PCDHGA11: variants seen among roughly 807,000 people sequenced by gnomAD.
The protein encoded by PCDHGA11 is protocadherin gamma-A11.
PCDHGA11 carries 39 observed loss-of-function variants against 60.4 expected under a neutral mutation model. The observed-to-expected ratio is 0.65, with a 90% CI of 0.50 to 0.84. PCDHGA11 has a LOEUF of 0.84. Ranked by LOEUF, PCDHGA11 falls within the 40% of genes least tolerant of loss-of-function variation. PCDHGA11 has a pLI of 0.00. For synonymous variants in PCDHGA11, 533 were observed against 510.3 expected (o/e 1.04, Z -0.60); for missense variants, 1,165 against 1,197.7 (o/e 0.97, Z 0.40).
intron 1 of PCDHGA11, among the ~76,000 whole-genome samples, chr5:141,445,720 G>T (rs2098475440): frequency 6.6e-6 from 1 of 152,158 alleles, no homozygotes; most frequent in Non-Finnish European, 1.5e-5. Flanking sequence ...AGAGGAAATA[G>T]CATGTGTAAA....
Position 141,485,209 on chromosome 5 carries a change from G to T in PCDHGA11, c.2434-9598G>T, listed in dbSNP as rs2099609420. The T allele has an allele frequency of 6.2e-7, 1 of 1,614,032 alleles. No individual in the cohort carries two copies. Among genetic ancestry groups the T allele is most frequent in the African/African-American group, 1.3e-5 (1 of 74,938 alleles). On this transcript the variant is annotated intron_variant, in intron 1 of 3. Transcript: ENST00000398587. This position sits in a 1 kb window ranked among gnomAD's most constrained non-coding sequence, Gnocchi z 5.7. Reference sequence around the variant, plus strand: ...AGGTGAGAAGCTGGACAGAAATCTGGCGGTGGGCTACCCTTTTGTTCCTCT... The same window carrying T: ...AGGTGAGAAGCTGGACAGAAATCTGTCGGTGGGCTACCCTTTTGTTCCTCT...
Position 141,486,515 on chromosome 5 carries a change from G to A in PCDHGA11, c.2434-8292G>A. ...AACTATTTTCCTCAATATTTCAGAT[G>A]TGAATGATAATCCACCCTCTTTCTT... On this transcript the variant is annotated intron_variant, in intron 1 of 3. Transcript: ENST00000398587. This position sits in a 1 kb window ranked among gnomAD's most constrained non-coding sequence, Gnocchi z 5.0. 1 of 1,614,172 alleles carries A rather than the reference G, an allele frequency of 6.2e-7. No individual in the cohort carries two copies. The highest frequency in any genetic ancestry group is 8.5e-7 in the Non-Finnish European group (1 of 1,180,026).
At position 141,428,400 on chromosome 5, in the gene PCDHGA11, G is replaced by T. The variant is rs373595231; in HGVS notation, c.2433+4740G>T. 3 of 483,290 alleles carry T rather than the reference G, an allele frequency of 6.2e-6. No individual in the cohort carries two copies. The East Asian group carries it at 1.2e-4, about 20-fold the overall frequency. 29.9% of individuals were successfully genotyped at this position (483,290 alleles called of 1,614,324 possible). ...GATGCTCTTCCAGCCCCTCTGCCTGGGGTTGCTTTCACCCTGGTCTCTGTT... is the reference window on the plus strand; with the variant it reads ...GATGCTCTTCCAGCCCCTCTGCCTGTGGTTGCTTTCACCCTGGTCTCTGTT... On this transcript the variant is annotated intron_variant, in intron 1 of 3. Coordinates refer to ENST00000398587, the MANE Select transcript of PCDHGA11 (RefSeq NM_018914.3).
intron 1 of PCDHGA11, among the ~76,000 whole-genome samples, chr5:141,443,787 A>C (rs957552086): frequency 3.3e-5 from 5 of 152,222 alleles, no homozygotes; most frequent in African/African-American, 1.2e-4. Flanking sequence ...AAGACAAAAA[A>C]AATGAAAAGG....
chr5:141,469,284 A>G lies in PCDHGA11; in HGVS notation c.2434-25523A>G, dbSNP rs192391622. On this transcript the variant is annotated intron_variant, in intron 1 of 3. Transcript: ENST00000398587. ...AGAGCAAGACCCCATCTCAAAAAAT[A>G]AAACAAAATAGACTGGGCACGATGG... Among the ~76,000 whole-genome samples, 595 of 152,012 alleles carry G rather than the reference A, an allele frequency of 3.9e-3. 6 individuals are homozygous for G. The highest frequency in any genetic ancestry group is 0.011 in the Admixed American group (171 of 15,260).
chr5:141,445,245 T>C (rs2098460607), intron 1 of PCDHGA11, among the ~76,000 whole-genome samples: 1 of 152,212 alleles, frequency 6.6e-6, no homozygotes, highest in Non-Finnish European at 1.5e-5. Flanking sequence ...TTACACTATA[T>C]TGTGTGAGAA....
intron 1 of PCDHGA11, among the ~76,000 whole-genome samples, chr5:141,464,426 GAT>G (rs1287556960): frequency 6.6e-6 from 1 of 151,096 alleles, no homozygotes; most frequent in African/African-American, 2.4e-5. Context: ...TATATATATA[GAT>G]ATATATGTTT....
In PCDHGA11 at chr5:141,477,362, G is replaced by T. The variant is rs920445601; in HGVS notation, c.2434-17445G>T. 6.2e-7 allele frequency: 1 copy of T among 1,614,142 alleles called. No individual in the cohort carries two copies. The highest frequency in any genetic ancestry group is 1.3e-5 in the African/African-American group (1 of 75,022). On this transcript the variant is annotated intron_variant, in intron 1 of 3. Coordinates refer to ENST00000398587, the MANE Select transcript of PCDHGA11 (RefSeq NM_018914.3). The surrounding 1 kb of genome is among the most constrained non-coding windows in gnomAD (Gnocchi z 4.9). ...CACTTTGAAAACCAGTGCAGACCTG[G>T]ATCGGGAGACTGTGCCAGAATACAA...
At chr5:141,509,106 A>T (rs1159119530) in intron 3 of PCDHGA11, among the ~76,000 whole-genome samples, 1 of 152,102 alleles carries the variant, frequency 6.6e-6, no homozygotes, top group Non-Finnish European at 1.5e-5. Flanking sequence ...TAGAAACCTG[A>T]GCGCTGGTGC....
At chr5:141,469,948 T>C (rs1258593339) in intron 1 of PCDHGA11, among the ~76,000 whole-genome samples, 2 of 152,110 alleles carry the variant, frequency 1.3e-5, no homozygotes, top group Admixed American at 1.3e-4. Flanking sequence ...CTGGCCAGCA[T>C]GGTGAAACCC....
chr5:141,494,820 AC>A lies in PCDHGA11; in HGVS notation c.2448del (p.Asn816LysfsTer39). 6.2e-7 allele frequency: 1 copy of A among 1,613,988 alleles called. No homozygotes were observed. The highest frequency in any genetic ancestry group is 2.2e-5 in the East Asian group (1 of 44,874). On this transcript the variant is annotated frameshift_variant, in exon 2 of 4. Coordinates refer to ENST00000398587, the MANE Select transcript of PCDHGA11 (RefSeq NM_018914.3). LOFTEE classifies it high-confidence loss of function. ...TTTTCTCCACAGCAAGCCCCGCCCA[AC>A]ACGGACTGGCGTTTCTCTCAGGCCC... ...DPTSNQQAPP[N>X]TDWRFSQAQR...
chr5:141,427,775 G>A (rs768191014), intron 1 of PCDHGA11: 35 of 1,424,948 alleles, frequency 2.5e-5, no homozygotes, highest in Non-Finnish European at 2.9e-5. Context: ...TGGAGCTGCG[G>A]GCACTGTCGT....
At chr5:141,433,995 C>G (rs995723859) in intron 1 of PCDHGA11, among the ~76,000 whole-genome samples, 1 of 152,028 alleles carries the variant, frequency 6.6e-6, no homozygotes, top group Non-Finnish European at 1.5e-5. Context: ...GTTTTATATT[C>G]TCTATATATG....
Position 141,512,160 on chromosome 5 carries a change from G to A in PCDHGA11, c.*987G>A, listed in dbSNP as rs1227447365. On this transcript the variant is annotated 3_prime_UTR_variant, in exon 4 of 4. Coordinates refer to ENST00000398587, the MANE Select transcript of PCDHGA11 (RefSeq NM_018914.3). ...CAGCCAGCTTTGGGCTGAGCTAACA[G>A]GACCAATGGATTAAACTGGCATTTC... 1 of 152,730 alleles carries A rather than the reference G, an allele frequency of 6.5e-6. No individual in the cohort carries two copies. Among genetic ancestry groups the A allele is most frequent in the African/African-American group, 2.4e-5 (1 of 41,456 alleles). The allele number at this position is 152,730 out of a possible 1,614,324, so 9.5% of individuals were successfully genotyped here.
chr5:141,496,959 G>C (rs1451127360), intron 2 of PCDHGA11, among the ~76,000 whole-genome samples: 2 of 151,894 alleles, frequency 1.3e-5, no homozygotes, highest in Non-Finnish European at 2.9e-5. Flanking sequence ...GCCAAGGTGG[G>C]TAGATCACTT....
At chr5:141,456,702 C>T (rs1185842343) in intron 1 of PCDHGA11, among the ~76,000 whole-genome samples, 1 of 152,062 alleles carries the variant, frequency 6.6e-6, no homozygotes, top group Non-Finnish European at 1.5e-5. Flanking sequence ...TGGTGGCTCG[C>T]GCCTGTAATC....
chr5:141,454,625 C>G (rs1193628253), intron 1 of PCDHGA11, among the ~76,000 whole-genome samples: 1 of 151,512 alleles, frequency 6.6e-6, no homozygotes, highest in Admixed American at 6.6e-5. Context: ...AGGCTGGTCT[C>G]GAACCCCCAA....
Position 141,486,151 on chromosome 5 carries a change from T to C in PCDHGA11, c.2434-8656T>C, listed in dbSNP as rs570065848. The C allele has an allele frequency of 2.7e-5, 44 of 1,613,914 alleles. No individual in the cohort carries two copies. In the South Asian group the frequency reaches 4.3e-4, roughly 16 times the overall value. ...TTGATGTGCGGGCTCGCGATGGGGGTTCTCCAGCCATGGAGCAACATTGCA... is the reference window on the plus strand; with the variant it reads ...TTGATGTGCGGGCTCGCGATGGGGGCTCTCCAGCCATGGAGCAACATTGCA... On this transcript the variant is annotated intron_variant, in intron 1 of 3. Transcript: ENST00000398587. The surrounding 1 kb of genome is among the most constrained non-coding windows in gnomAD (Gnocchi z 5.0).
rs534816363 is a variant in PCDHGA11, at chr5:141,456,234, G to T, written c.2433+32574G>T. Among the ~76,000 whole-genome samples the T allele has an allele frequency of 2.2e-4, 33 of 152,224 alleles. 1 individual carries two copies. The South Asian group carries it at 6.9e-3, about 32-fold the overall frequency. On this transcript the variant is annotated intron_variant, in intron 1 of 3. Transcript: ENST00000398587. ...CTGTGGCGATATCAAACTAACTGCT[G>T]TTAGGAGGCTTTGGGCGACCATTGC...
Sources: gnomAD v4.1 joint callset for allele counts (sites outside exome capture counted in the v4.1 genomes callset) on GRCh38, gnomAD v4.1.1 for gene constraint, Gnocchi (gnomAD v3.1) non-coding constraint, MANE v1.5 for transcripts, NCBI Gene and HGNC (gene_info 2026-07-23, HGNC 2026-07-21) for gene names.